The following PDGFC variants were observed in gnomAD, a reference collection of about 807,000 sequenced individuals.
PDGFC encodes platelet-derived growth factor C.
PDGFC carries 12 observed loss-of-function variants against 35.5 expected under a neutral mutation model. That is an observed-to-expected ratio of 0.34 (90% CI 0.22 to 0.55). The LOEUF (loss-of-function observed/expected upper bound fraction) is 0.55, where lower values mean the gene tolerates loss of function less well. Ranked by LOEUF, PDGFC falls within the 20% of genes least tolerant of loss-of-function variation. PDGFC has a pLI of 0.91. For missense variants in PDGFC, 322 were observed against 412.4 expected (o/e 0.78, Z 1.90); for synonymous variants, 159 against 148.8 (o/e 1.07, Z -0.50).
chr4:156,784,053 G>C (rs1277778250), intron 3 of PDGFC, among the ~76,000 whole-genome samples: 1 of 152,150 alleles, frequency 6.6e-6, no homozygotes, highest in African/African-American at 2.4e-5. Context: ...TATAATAAGT[G>C]GAGGTGTATT....
At chr4:156,935,236 C>T (rs1731649721) in intron 1 of PDGFC, among the ~76,000 whole-genome samples, 1 of 152,070 alleles carries the variant, frequency 6.6e-6, no homozygotes. Context: ...GACCTCATGA[C>T]CTGCCCGCCT....
At chr4:156,788,049 C>T (rs1731177671) in intron 3 of PDGFC, among the ~76,000 whole-genome samples, 1 of 152,102 alleles carries the variant, frequency 6.6e-6, no homozygotes, top group Admixed American at 6.6e-5. Context: ...AGAATGACAA[C>T]AGCATTTCAT....
At chr4:156,904,659 C>A (rs923392100) in intron 1 of PDGFC, among the ~76,000 whole-genome samples, 12 of 152,010 alleles carry the variant, frequency 7.9e-5, no homozygotes, top group African/African-American at 2.7e-4. Context: ...ATTAGTTGTT[C>A]CAACTAGCTA....
At chr4:156,847,913 A>C (rs1729364455) in intron 2 of PDGFC, among the ~76,000 whole-genome samples, 1 of 151,764 alleles carries the variant, frequency 6.6e-6, no homozygotes, top group Admixed American at 6.6e-5. Context: ...AGCAGACTAC[A>C]TATAGAAACC....
intron 1 of PDGFC, among the ~76,000 whole-genome samples, chr4:156,918,878 C>T (rs949980159): frequency 8.6e-5 from 13 of 152,032 alleles, no homozygotes; most frequent in Non-Finnish European, 1.8e-4. Flanking sequence ...ACCCAATTTC[C>T]CAAAAAGAAC....
intron 3 of PDGFC, among the ~76,000 whole-genome samples, chr4:156,803,943 A>G (rs903226671): frequency 6.6e-6 from 1 of 152,116 alleles, no homozygotes; most frequent in African/African-American, 2.4e-5. Context: ...AATCTTTCAT[A>G]GTTCTGTGGG....
intron 1 of PDGFC, among the ~76,000 whole-genome samples, chr4:156,855,567 C>A (rs752355368): frequency 2.0e-5 from 3 of 152,068 alleles, no homozygotes; most frequent in African/African-American, 7.2e-5. Flanking sequence ...GATGTATTTG[C>A]TTGCAAATAT....
chr4:156,793,780 C>A (rs1382215912), intron 3 of PDGFC, among the ~76,000 whole-genome samples: 2 of 151,326 alleles, frequency 1.3e-5, no homozygotes, highest in Non-Finnish European at 2.9e-5. Flanking sequence ...CATAGTAATC[C>A]TCATGATAAT....
chr4:156,870,535 T>G (rs1252892454), intron 1 of PDGFC, among the ~76,000 whole-genome samples: 1 of 152,106 alleles, frequency 6.6e-6, no homozygotes, highest in Non-Finnish European at 1.5e-5. Context: ...TCTCTATAAT[T>G]CCTGAACAAA....
intron 1 of PDGFC, among the ~76,000 whole-genome samples, chr4:156,968,020 C>T (rs1348125722): frequency 3.1e-4 from 47 of 152,150 alleles, no homozygotes; most frequent in Non-Finnish European, 4.4e-5. Flanking sequence ...AACCAGATAC[C>T]TAACAATAGT....
At chr4:156,806,854 C>A (rs912781129) in intron 3 of PDGFC, among the ~76,000 whole-genome samples, 7 of 151,914 alleles carry the variant, frequency 4.6e-5, no homozygotes, top group Admixed American at 1.3e-4. Context: ...TTATAAATTA[C>A]TCCAAAATTA....
At chr4:156,917,635 T>A (rs1400815882) in intron 1 of PDGFC, among the ~76,000 whole-genome samples, 1 of 152,230 alleles carries the variant, frequency 6.6e-6, no homozygotes, top group African/African-American at 2.4e-5. Flanking sequence ...TATTATAGAT[T>A]TCCACTGTGC....
At chr4:156,917,819 C>T (rs1458281600) in intron 1 of PDGFC, among the ~76,000 whole-genome samples, 2 of 152,170 alleles carry the variant, frequency 1.3e-5, no homozygotes, top group Admixed American at 6.5e-5. Context: ...AGGACCACTT[C>T]GTATAAACTA....
chr4:156,788,330 G>A (rs1157346039), intron 3 of PDGFC, among the ~76,000 whole-genome samples: 3 of 152,214 alleles, frequency 2.0e-5, no homozygotes, highest in Middle Eastern at 3.4e-3. Context: ...CAAGATCAAC[G>A]GCAACTTTTG....
At chr4:156,932,267 A>G (rs1306142685) in intron 1 of PDGFC, among the ~76,000 whole-genome samples, 1 of 152,178 alleles carries the variant, frequency 6.6e-6, no homozygotes, top group East Asian at 1.9e-4. Flanking sequence ...AAGGAAGTAT[A>G]AACTCAGGAA....
At chr4:156,827,570 A>C (rs1412236960) in intron 2 of PDGFC, among the ~76,000 whole-genome samples, 1 of 152,188 alleles carries the variant, frequency 6.6e-6, no homozygotes. Flanking sequence ...CTTCAGCAAA[A>C]CAAAAAACTA....
intron 3 of PDGFC, among the ~76,000 whole-genome samples, chr4:156,808,911 T>C (rs1383223108): frequency 6.6e-6 from 1 of 151,994 alleles, no homozygotes; most frequent in Non-Finnish European, 1.5e-5. Flanking sequence ...AAAACAAAGC[T>C]TGTGAGATTG....
At chr4:156,902,650 T>C (rs926407559) in intron 1 of PDGFC, among the ~76,000 whole-genome samples, 16 of 152,208 alleles carry the variant, frequency 1.1e-4, no homozygotes, top group African/African-American at 3.6e-4. Flanking sequence ...TACTGAATAG[T>C]ATTTTGTACA....
chr4:156,929,543 C>A (rs552133903), intron 1 of PDGFC, among the ~76,000 whole-genome samples: 20 of 151,822 alleles, frequency 1.3e-4, no homozygotes, highest in African/African-American at 4.8e-4. Context: ...ATGGAATCTG[C>A]ACATGAAATC....
Sources: gnomAD v4.1 joint callset for allele counts (sites outside exome capture counted in the v4.1 genomes callset) on GRCh38, gnomAD v4.1.1 for gene constraint, MANE v1.5 for transcripts, NCBI Gene and HGNC (gene_info 2026-07-23, HGNC 2026-07-21) for gene names.